PLAA: variants seen among roughly 807,000 people sequenced by gnomAD.
PLAA encodes the protein phospholipase A-2-activating protein.
PLAA carries 48 observed loss-of-function variants against 84.1 expected under a neutral mutation model. The ratio of observed to expected loss-of-function variants is 0.57; its 90% CI spans 0.45 to 0.73. The LOEUF (loss-of-function observed/expected upper bound fraction) is 0.73, where lower values mean the gene tolerates loss of function less well. Ranked by LOEUF, PLAA falls within the 30% of genes least tolerant of loss-of-function variation. The pLI is 0.00. For synonymous variants in PLAA, 392 were observed against 336.6 expected (o/e 1.16, Z -1.80); for missense variants, 903 against 954.7 (o/e 0.95, Z 0.71).
At chr9:26,936,373 G>T (rs986379757) in intron 1 of PLAA, among the ~76,000 whole-genome samples, 2 of 152,134 alleles carry the variant, frequency 1.3e-5, no homozygotes, top group African/African-American at 4.8e-5. Context: ...ACCAACAAAG[G>T]GCTTAAGAAC....
intron 9 of PLAA, among the ~76,000 whole-genome samples, chr9:26,918,766 C>G (rs974772216): frequency 1.3e-5 from 2 of 152,156 alleles, no homozygotes; most frequent in Admixed American, 6.5e-5. Context: ...TTAGATTCCA[C>G]TTCCTAGGGG....
At chr9:26,928,260 T>A (rs547139912) in intron 3 of PLAA, 40 bp from the exon 4 acceptor site, 7 of 1,614,082 alleles carry the variant, frequency 4.3e-6, no homozygotes, top group Non-Finnish European at 5.1e-6. Context: ...TGCCACAGAA[T>A]CATTCAACTT....
chr9:26,938,122 G>A (rs991325207), intron 1 of PLAA, among the ~76,000 whole-genome samples: 1 of 152,166 alleles, frequency 6.6e-6, no homozygotes, highest in Non-Finnish European at 1.5e-5. Context: ...AAGAAAGGGA[G>A]ATACAAAGAA....
intron 1 of PLAA, among the ~76,000 whole-genome samples, chr9:26,943,397 T>G (rs72719538): frequency 0.077 from 11,789 of 152,202 alleles, 1,337 homozygotes; most frequent in East Asian, 0.57. Flanking sequence ...CATCCCTACA[T>G]TTACTACCCT....
At chr9:26,914,309 A>C (rs1587154340) in intron 10 of PLAA, among the ~76,000 whole-genome samples, 1 of 152,222 alleles carries the variant, frequency 6.6e-6, no homozygotes, top group East Asian at 1.9e-4. Context: ...AGACTCAGGT[A>C]AGAGTTAGAG....
intron 11 of PLAA, among the ~76,000 whole-genome samples, chr9:26,913,585 T>C (rs112142169): frequency 0.069 from 10,566 of 152,182 alleles, 512 homozygotes; most frequent in African/African-American, 0.14. Flanking sequence ...TAGAATCACA[T>C]TGGAAGATTA....
chr9:26,944,246 G>A (rs1292770998), intron 1 of PLAA, among the ~76,000 whole-genome samples: 1 of 152,182 alleles, frequency 6.6e-6, no homozygotes, highest in East Asian at 1.9e-4. Context: ...TCAAGATGCC[G>A]ATACCTTGAT....
chr9:26,939,484 CAA>C (rs58833364), intron 1 of PLAA, among the ~76,000 whole-genome samples: 9,825 of 76,808 alleles, frequency 0.13, 363 homozygotes, highest in Middle Eastern at 0.25. Flanking sequence ...GATGAGAGAC[CAA>C]AAAAAAAAAA....
At chr9:26,918,069 T>C (rs1258868594) in intron 9 of PLAA, among the ~76,000 whole-genome samples, 1 of 152,170 alleles carries the variant, frequency 6.6e-6, no homozygotes, top group Non-Finnish European at 1.5e-5. Context: ...GAGGATCAGA[T>C]CATCTGTAAT....
At chr9:26,941,917 G>T (rs1271941744) in intron 1 of PLAA, among the ~76,000 whole-genome samples, 1 of 151,974 alleles carries the variant, frequency 6.6e-6, no homozygotes, top group Non-Finnish European at 1.5e-5. Context: ...TATTAAAAGG[G>T]CCCGCCAATG....
chr9:26,925,052 C>A (rs766741625), intron 6 of PLAA, among the ~76,000 whole-genome samples: 1 of 152,140 alleles, frequency 6.6e-6, no homozygotes, highest in Non-Finnish European at 1.5e-5. Context: ...GAAGCTTTAT[C>A]CTTTTCTTTC....
rs779454318 is a variant in PLAA, at chr9:26,935,016, T to C, written c.340A>G (p.Thr114Ala). 10 of 1,583,930 alleles carry C rather than the reference T, an allele frequency of 6.3e-6. No individual in the cohort carries two copies. In the South Asian group the frequency reaches 8.2e-5, roughly 13 times the overall value. ...PLYILKGHKN[T>A]VCSLSSGKFG... ...ACCAAAGCATTATTATACTCACCAG[T>C]ATTTTTGTGGCCTTTTAGAATATAA... The change falls in exon 2 of 14, where the codon ACT (threonine) becomes GCT (alanine). Residue 114 changes from threonine (T) to alanine (A), a missense_variant. Thr to Ala is a moderately conservative substitution (Grantham distance 58, BLOSUM62 0). Transcript: ENST00000397292.
chr9:26,915,152 T>G (rs559577769), intron 10 of PLAA, among the ~76,000 whole-genome samples: 1 of 151,460 alleles, frequency 6.6e-6, no homozygotes, highest in African/African-American at 2.4e-5. Context: ...GCAGAGTTTG[T>G]GGTGAGCTGA....
At chr9:26,928,446 C>T (rs1379178030) in intron 2 of PLAA, 38 bp from the exon 3 acceptor site, 4 of 1,325,696 alleles carry the variant, frequency 3.0e-6, no homozygotes, top group Non-Finnish European at 4.4e-6. Context: ...CATTTTCATA[C>T]AGAAAAATGC....
At chr9:26,939,492 A>C (rs1051642381) in intron 1 of PLAA, among the ~76,000 whole-genome samples, 4 of 150,990 alleles carry the variant, frequency 2.6e-5, no homozygotes, top group African/African-American at 9.7e-5. Context: ...ACCAAAAAAA[A>C]AAAAAAAAAA....
intron 1 of PLAA, among the ~76,000 whole-genome samples, chr9:26,938,788 G>A (rs935425242): frequency 7.9e-5 from 12 of 152,006 alleles, no homozygotes; most frequent in Admixed American, 3.9e-4. Flanking sequence ...TAGCCTAAAA[G>A]CTAATGATAT....
intron 10 of PLAA, chr9:26,916,130 C>T (rs928415165): frequency 1.3e-5 from 13 of 985,270 alleles, no homozygotes; most frequent in Admixed American, 6.1e-5. Context: ...AGGAAGCTCA[C>T]GGACAGCAAT....
Position 26,907,824 on chromosome 9 carries a change from G to A in PLAA, c.1822+10C>T. The A allele has an allele frequency of 6.3e-7, 1 of 1,590,006 alleles. No individual in the cohort carries two copies. Among genetic ancestry groups the A allele is most frequent in the Non-Finnish European group, 8.5e-7 (1 of 1,173,308 alleles). On this transcript the variant is annotated intron_variant, in intron 13 of 13. Transcript: ENST00000397292. ...CTTTCTGGTTACATTTTTGAAGAGT[G>A]TTTATTTACCTTCAGGACAGTTAAT...
chr9:26,911,181 C>T (rs374999496), intron 11 of PLAA, among the ~76,000 whole-genome samples: 121 of 152,184 alleles, frequency 8.0e-4, no homozygotes, highest in African/African-American at 2.8e-3. Context: ...GAGACAGAGT[C>T]ACGCTCTGTT....
Sources: allele counts gnomAD v4.1 joint callset (sites outside exome capture counted in the v4.1 genomes callset), GRCh38; gene constraint gnomAD v4.1.1; transcripts MANE v1.5; gene names NCBI Gene and HGNC (gene_info 2026-07-23, HGNC 2026-07-21).